Variants in AGBL4 observed in about 807,000 individuals in gnomAD.
AGBL4 encodes the protein AGBL carboxypeptidase 4.
Under a neutral mutation model 66.4 loss-of-function variants are expected in AGBL4, and 58 were observed. The ratio of observed to expected loss-of-function variants is 0.87; its 90% CI spans 0.71 to 1.09. The LOEUF (loss-of-function observed/expected upper bound fraction) is 1.09, where lower values mean the gene tolerates loss of function less well. Among genes scored for constraint, AGBL4 ranks in the 50% least tolerant of loss-of-function variants. The pLI is 0.00. For missense variants in AGBL4, 579 were observed against 631.0 expected (o/e 0.92, Z 0.88); for synonymous variants, 234 against 222.9 (o/e 1.05, Z -0.44).
intron 3 of AGBL4, among the ~76,000 whole-genome samples, chr1:49,589,520 G>C (rs1188200156): frequency 6.6e-6 from 1 of 151,994 alleles, no homozygotes; most frequent in Non-Finnish European, 1.5e-5. Flanking sequence ...GGACTTCAAA[G>C]TATTGGCATT....
intron 2 of AGBL4, among the ~76,000 whole-genome samples, chr1:49,768,939 C>T (rs953981164): frequency 2.6e-5 from 4 of 152,010 alleles, no homozygotes; most frequent in African/African-American, 9.7e-5. Flanking sequence ...ACCTCCGCCT[C>T]CTGGGTTCAA....
intron 3 of AGBL4, among the ~76,000 whole-genome samples, chr1:49,393,888 G>T (rs1375919983): frequency 1.3e-5 from 2 of 152,142 alleles, no homozygotes; most frequent in East Asian, 3.9e-4. Context: ...AACAAAATTT[G>T]TTGAACACTT....
At chr1:49,042,437 C>G (rs1228484296) in intron 5 of AGBL4, among the ~76,000 whole-genome samples, 1 of 152,094 alleles carries the variant, frequency 6.6e-6, no homozygotes, top group Non-Finnish European at 1.5e-5. Context: ...GTTAGAGGAC[C>G]ACCAATTTTT....
intron 3 of AGBL4, chr1:49,527,479 G>A (rs1650760195): frequency 6.6e-6 from 1 of 152,598 alleles, no homozygotes; most frequent in South Asian, 2.1e-4. Flanking sequence ...ATTAGATGCT[G>A]GGTCATAAGC....
intron 3 of AGBL4, among the ~76,000 whole-genome samples, chr1:49,571,247 G>C (rs1486399449): frequency 1.3e-5 from 2 of 151,736 alleles, no homozygotes; most frequent in Admixed American, 6.6e-5. Flanking sequence ...ATTTGTTTGT[G>C]TCATCTACAA....
At chr1:49,697,074 A>C (rs1485256823) in intron 3 of AGBL4, among the ~76,000 whole-genome samples, 1 of 152,152 alleles carries the variant, frequency 6.6e-6, no homozygotes, top group Non-Finnish European at 1.5e-5. Context: ...CTAATGCTTC[A>C]ATCAGTAAGG....
intron 8 of AGBL4, among the ~76,000 whole-genome samples, chr1:48,640,951 C>T (rs982748559): frequency 1.3e-5 from 2 of 152,088 alleles, no homozygotes; most frequent in African/African-American, 4.8e-5. Context: ...ATTTCTTTTT[C>T]ATTCTCCTCT....
At chr1:49,013,671 G>A (rs1662613314) in intron 5 of AGBL4, among the ~76,000 whole-genome samples, 1 of 151,924 alleles carries the variant, frequency 6.6e-6, no homozygotes, top group Non-Finnish European at 1.5e-5. Flanking sequence ...CACCTCTCTG[G>A]GTAGTTCTTG....
At chr1:49,546,408 G>A (rs931170905) in intron 3 of AGBL4, among the ~76,000 whole-genome samples, 1 of 151,058 alleles carries the variant, frequency 6.6e-6, no homozygotes, top group African/African-American at 2.4e-5. Context: ...TTATTCAATT[G>A]TCGATTGGTG....
intron 9 of AGBL4, among the ~76,000 whole-genome samples, chr1:48,625,467 T>G (rs994747171): frequency 6.6e-6 from 1 of 152,086 alleles, no homozygotes; most frequent in Non-Finnish European, 1.5e-5. Flanking sequence ...AGAGTTACAG[T>G]GTGTAGTGGA....
intron 3 of AGBL4, among the ~76,000 whole-genome samples, chr1:49,416,160 A>G (rs908910859): frequency 6.6e-6 from 1 of 152,058 alleles, no homozygotes; most frequent in African/African-American, 2.4e-5. Flanking sequence ...GAACCGGTAC[A>G]TTTTGTTATG....
chr1:48,994,984 A>G (rs1660890383), intron 5 of AGBL4, among the ~76,000 whole-genome samples: 1 of 152,242 alleles, frequency 6.6e-6, no homozygotes, highest in Non-Finnish European at 1.5e-5. Context: ...AATTTCAAAC[A>G]CAATTTGAGC....
intron 2 of AGBL4, among the ~76,000 whole-genome samples, chr1:49,757,207 C>T (rs562296146): frequency 5.9e-5 from 9 of 152,182 alleles, no homozygotes; most frequent in Non-Finnish European, 1.0e-4. Context: ...GTTTGCTTCC[C>T]CTTCTGCCAT....
At chr1:50,015,851 C>A (rs1661939474) in intron 1 of AGBL4, among the ~76,000 whole-genome samples, 1 of 152,092 alleles carries the variant, frequency 6.6e-6, no homozygotes, top group African/African-American at 2.4e-5. Flanking sequence ...TGCACATCTA[C>A]AACTATCTGA....
intron 6 of AGBL4, chr1:48,776,889 G>T: frequency 8.1e-7 from 1 of 1,230,856 alleles, no homozygotes; most frequent in Non-Finnish European, 1.1e-6. Context: ...CGGGCGCGGA[G>T]GTGGGGATCC....
intron 4 of AGBL4, among the ~76,000 whole-genome samples, chr1:49,219,575 T>C (rs1649341439): frequency 6.6e-6 from 1 of 152,148 alleles, no homozygotes; most frequent in Admixed American, 6.6e-5. Context: ...ATTGTTACTG[T>C]AGGCAAAGGA....
intron 3 of AGBL4, among the ~76,000 whole-genome samples, chr1:49,439,176 T>C (rs981030570): frequency 2.0e-5 from 3 of 151,926 alleles, no homozygotes; most frequent in Admixed American, 2.0e-4. Flanking sequence ...TCAGTGGGAG[T>C]TTGCTAGGAG....
intron 5 of AGBL4, among the ~76,000 whole-genome samples, chr1:48,893,626 A>C (rs1315361068): frequency 6.6e-6 from 1 of 151,996 alleles, no homozygotes; most frequent in East Asian, 1.9e-4. Flanking sequence ...CGGAGCTTGC[A>C]GTGAGCCGAG....
At chr1:49,167,761 G>A (rs959857827) in intron 4 of AGBL4, among the ~76,000 whole-genome samples, 1 of 152,144 alleles carries the variant, frequency 6.6e-6, no homozygotes, top group Non-Finnish European at 1.5e-5. Context: ...TGCGTACACC[G>A]AATTAAATTA....
Sources: gnomAD v4.1 joint callset for allele counts (sites outside exome capture counted in the v4.1 genomes callset) on GRCh38, gnomAD v4.1.1 for gene constraint, MANE v1.5 for transcripts, NCBI Gene and HGNC (gene_info 2026-07-23, HGNC 2026-07-21) for gene names.